Variants in SPEF2 observed in about 807,000 individuals in gnomAD.
SPEF2 encodes the protein sperm flagellar and cilia associated 2.
In SPEF2, 187 loss-of-function variants were observed where a neutral mutation model predicts 224.6. The observed-to-expected ratio is 0.83, with a 90% CI of 0.74 to 0.94. The LOEUF (loss-of-function observed/expected upper bound fraction) is 0.94. Among genes scored for constraint, SPEF2 ranks in the 40% least tolerant of loss-of-function variants. SPEF2 has a pLI of 0.00. For missense variants in SPEF2, 2,170 were observed against 2,135.6 expected, an observed-to-expected ratio of 1.02 and a Z score of -0.32; for synonymous variants, 715 against 707.3, an observed-to-expected ratio of 1.01 and a Z score of -0.17.
intron 26 of SPEF2, among the ~76,000 whole-genome samples, chr5:35,771,096 A>T (rs1752786006): frequency 6.6e-6 from 1 of 152,110 alleles, no homozygotes; most frequent in Admixed American, 6.5e-5. Context: ...CCACAAATAT[A>T]CACCCAGAAC....
chr5:35,640,029 G>T (rs1746383139), intron 2 of SPEF2, among the ~76,000 whole-genome samples: 1 of 152,042 alleles, frequency 6.6e-6, no homozygotes, highest in Admixed American at 6.6e-5. Context: ...TTAGACCTGT[G>T]TACTTTGGCC....
chr5:35,751,540 C>T (rs1377256486), intron 23 of SPEF2, among the ~76,000 whole-genome samples: 1 of 151,544 alleles, frequency 6.6e-6, no homozygotes, highest in Non-Finnish European at 1.5e-5. Context: ...TATTGAATAC[C>T]TGACAGAGCA....
chr5:35,645,914 T>G (rs1260266865), intron 4 of SPEF2, among the ~76,000 whole-genome samples: 1 of 152,140 alleles, frequency 6.6e-6, no homozygotes, highest in Non-Finnish European at 1.5e-5. Context: ...AAGGGTAAAT[T>G]GAAATTTTTT....
At chr5:35,626,302 A>G (rs991484802) in intron 1 of SPEF2, among the ~76,000 whole-genome samples, 1 of 152,212 alleles carries the variant, frequency 6.6e-6, no homozygotes, top group South Asian at 2.1e-4. Context: ...AGAATGTATC[A>G]TGGGTTTAGA....
chr5:35,657,012 G>A (rs1186833838), intron 7 of SPEF2, among the ~76,000 whole-genome samples: 1 of 152,200 alleles, frequency 6.6e-6, no homozygotes, highest in African/African-American at 2.4e-5. Context: ...ATTCTTATGT[G>A]TACAATGGCT....
intron 16 of SPEF2, chr5:35,702,437 T>C (rs984507205): frequency 4.9e-6 from 2 of 408,770 alleles, no homozygotes; most frequent in African/African-American, 4.1e-5. Flanking sequence ...CTGCCTCCGC[T>C]GTTTAGCCAT....
At chr5:35,695,195 A>G (rs1389924570) in intron 13 of SPEF2, among the ~76,000 whole-genome samples, 2 of 151,638 alleles carry the variant, frequency 1.3e-5, no homozygotes, top group Non-Finnish European at 2.9e-5. Context: ...TAAAACTATT[A>G]TAAGTGTTTT....
intron 9 of SPEF2, among the ~76,000 whole-genome samples, chr5:35,668,670 A>G (rs1418921093): frequency 2.0e-5 from 3 of 152,138 alleles, no homozygotes; most frequent in Non-Finnish European, 4.4e-5. Flanking sequence ...TAAAGGGTAT[A>G]TGGATCTCCA....
rs377461739 is a variant in SPEF2, at chr5:35,705,636, A to G, written c.2508-15A>G. 1.1e-5 allele frequency: 17 copies of G among 1,564,172 alleles called. No individual in the cohort carries two copies. In the African/African-American group the frequency reaches 1.9e-4, roughly 18 times the overall value. ...GATCAGTATGAGATATTCATATCAT[A>G]TTTTGATTTTGCAGAATTATAGGCT... On this transcript the variant is annotated splice_polypyrimidine_tract_variant and intron_variant, in intron 17 of 36. Transcript: ENST00000356031.
intron 30 of SPEF2, among the ~76,000 whole-genome samples, chr5:35,786,354 A>G (rs1460855822): frequency 1.3e-5 from 2 of 152,162 alleles, no homozygotes; most frequent in East Asian, 3.9e-4. Context: ...AGCCGCAAAA[A>G]GACTGATTAA....
intron 2 of SPEF2, among the ~76,000 whole-genome samples, chr5:35,635,153 T>C (rs1348252929): frequency 6.6e-6 from 1 of 152,096 alleles, no homozygotes; most frequent in Admixed American, 6.5e-5. Flanking sequence ...ATAGGTTTAG[T>C]TGACCTGTCT....
Position 35,755,245 on chromosome 5 carries a change from G to A in SPEF2, c.3468+1484G>A, listed in dbSNP as rs558770961. Reference sequence around the variant, plus strand: ...TTGTATGCAAAGATTAAAGTGAGATGCCTAAGCAGCCTAGACCAGTCTTGA... The same window carrying A: ...TTGTATGCAAAGATTAAAGTGAGATACCTAAGCAGCCTAGACCAGTCTTGA... On this transcript the variant is annotated intron_variant, in intron 24 of 36. Coordinates refer to ENST00000356031, the MANE Select transcript of SPEF2 (RefSeq NM_024867.4). 3.3e-5 allele frequency among the ~76,000 whole-genome samples: 5 copies of A among 152,364 alleles called. No homozygotes were observed. In the South Asian group the frequency reaches 1.0e-3, roughly 32 times the overall value.
chr5:35,753,219 TATTA>T (rs965700868), intron 23 of SPEF2, among the ~76,000 whole-genome samples: 6 of 152,138 alleles, frequency 3.9e-5, no homozygotes, highest in African/African-American at 1.2e-4. Context: ...AACAAGTTTA[TATTA>T]ATTAATTATG....
rs1191949643 is a variant in SPEF2 at position 35,654,746 on chromosome 5, G to A, written c.978+20G>A. On this transcript the variant is annotated intron_variant, in intron 7 of 36. Transcript: ENST00000356031. Reference sequence around the variant, plus strand: ...CAAGAGGTAAGATATTTAGATGAAGGTTAAGTAATAGTGCTGGGAATTCTA... The same window carrying A: ...CAAGAGGTAAGATATTTAGATGAAGATTAAGTAATAGTGCTGGGAATTCTA... The A allele has an allele frequency of 1.3e-6, 2 of 1,591,438 alleles. No individual in the cohort carries two copies. The highest frequency in any genetic ancestry group is 1.8e-5 in the Admixed American group (1 of 54,472).
intron 23 of SPEF2, among the ~76,000 whole-genome samples, chr5:35,751,294 A>C (rs1197827863): frequency 7.0e-6 from 1 of 142,248 alleles, no homozygotes; most frequent in Non-Finnish European, 1.5e-5. Flanking sequence ...AGAATGATAC[A>C]ATGGACTTTG....
At chr5:35,751,045 A>ATATACATACG (rs1561305246) in intron 23 of SPEF2, among the ~76,000 whole-genome samples, 25 of 64,334 alleles carry the variant, frequency 3.9e-4, no homozygotes, top group African/African-American at 1.4e-3. Flanking sequence ...ACACATATGT[A>ATATACATACG]TATATATATA....
chr5:35,699,514 GA>G (rs2149557737), intron 15 of SPEF2: 1 of 152,282 alleles, frequency 6.6e-6, no homozygotes, highest in South Asian at 2.1e-4. Flanking sequence ...GTTAAACAGA[GA>G]AATATAACCA....
At chr5:35,756,707 T>C (rs1350449479) in intron 24 of SPEF2, among the ~76,000 whole-genome samples, 1 of 152,188 alleles carries the variant, frequency 6.6e-6, no homozygotes, top group African/African-American at 2.4e-5. Flanking sequence ...TAGACATTAG[T>C]CCTACAAGAT....
chr5:35,733,532 A>T (rs1035371305), intron 21 of SPEF2, among the ~76,000 whole-genome samples: 81 of 152,274 alleles, frequency 5.3e-4, no homozygotes, highest in African/African-American at 1.8e-3. Context: ...TTGGGTAGGG[A>T]ATATTATAGG....
Sources: gnomAD v4.1 joint callset for allele counts (sites outside exome capture counted in the v4.1 genomes callset) on GRCh38, gnomAD v4.1.1 for gene constraint, MANE v1.5 for transcripts, NCBI Gene and HGNC (gene_info 2026-07-23, HGNC 2026-07-21) for gene names.